Variants in FAM3B observed in about 807,000 individuals in gnomAD.
FAM3B encodes FAM3 metabolism regulating signaling molecule B.
Under a neutral mutation model 28.4 loss-of-function variants are expected in FAM3B, and 29 were observed. That is an observed-to-expected ratio of 1.02 (90% CI 0.76 to 1.39). The LOEUF is 1.39. FAM3B is among the 40% of genes most tolerant of loss of function. The pLI, the probability that FAM3B is intolerant of heterozygous loss-of-function variation, is 0.00. For missense variants in FAM3B, 266 were observed against 293.9 expected (o/e 0.91, Z 0.69); for synonymous variants, 91 against 103.0 (o/e 0.88, Z 0.71).
Position 41,347,006 on chromosome 21 carries a change from C to CCAATA in FAM3B, c.398-6_398-2dup. On this transcript the variant is annotated splice_polypyrimidine_tract_variant and splice_region_variant and intron_variant, in intron 5 of 7. Transcript: ENST00000357985. ...AGACCCTAAAACTGACTTGCATCCC[C>CCAATA]CAATAGATAACTCTGGACCGATGAC... The CCAATA allele has an allele frequency of 6.2e-7, 1 of 1,613,878 alleles. No homozygotes were observed. The highest frequency in any genetic ancestry group is 8.5e-7 in the Non-Finnish European group (1 of 1,179,782).
intron 2 of FAM3B, among the ~76,000 whole-genome samples, chr21:41,330,144 A>AAC (rs2088891552): frequency 6.6e-6 from 1 of 151,746 alleles, no homozygotes; most frequent in African/African-American, 2.4e-5. Flanking sequence ...GAAAAAAAAA[A>AAC]AAAAAAACAT....
rs79538262 is a variant in FAM3B at position 41,349,983 on chromosome 21, C to T, written c.618+1259C>T. Among the ~76,000 whole-genome samples the T allele has an allele frequency of 5.0e-3, 766 of 152,350 alleles. 19 individuals carry two copies. The East Asian group carries it at 0.089, about 18-fold the overall frequency. ...GGCACTTGCATGCACAGTGAGCCCTCATGGGTCTGCCCTAACCGAGAGGCA... is the reference window on the plus strand; with the variant it reads ...GGCACTTGCATGCACAGTGAGCCCTTATGGGTCTGCCCTAACCGAGAGGCA... On this transcript the variant is annotated intron_variant, in intron 7 of 7. Transcript: ENST00000357985.
intron 2 of FAM3B, 77 bp downstream of exon 2, chr21:41,323,143 C>A (rs2088825345): frequency 1.3e-6 from 2 of 1,567,336 alleles, no homozygotes; most frequent in South Asian, 2.3e-5. Flanking sequence ...TCTGTCCCAG[C>A]TGGAGGCTGG....
At chr21:41,311,482 A>G (rs1176809874) in intron 1 of FAM3B, among the ~76,000 whole-genome samples, 2 of 151,098 alleles carry the variant, frequency 1.3e-5, no homozygotes, top group African/African-American at 4.9e-5. Flanking sequence ...ATTAAAAATG[A>G]CAAATTTTTA....
rs573326035 is a variant in FAM3B, at chr21:41,350,984, C to A, written c.618+2260C>A. ...CCGGGCGTTGTGCCACACAGGGACC[C>A]CCCCATGCACACGAGCGTCTGTGGT... is the stretch of plus-strand genomic sequence containing the variant. On this transcript the variant is annotated intron_variant, in intron 7 of 7. Coordinates refer to ENST00000357985, the MANE Select transcript of FAM3B (RefSeq NM_058186.4). 1.2e-4 allele frequency among the ~76,000 whole-genome samples: 18 copies of A among 152,302 alleles called. No individual in the cohort carries two copies. In the East Asian group the frequency reaches 3.5e-3, roughly 29 times the overall value.
chr21:41,350,564 T>C (rs2089108454), intron 7 of FAM3B, among the ~76,000 whole-genome samples: 1 of 152,056 alleles, frequency 6.6e-6, no homozygotes, highest in Non-Finnish European at 1.5e-5. Flanking sequence ...CAAACCCAGA[T>C]CCCTCCGCAC....
At chr21:41,338,301 G>C (rs2088973375) in intron 2 of FAM3B, 77 bp from the exon 3 acceptor site, 7 of 1,558,748 alleles carry the variant, frequency 4.5e-6, no homozygotes, top group Middle Eastern at 1.7e-4. Context: ...AAGTGCTGGT[G>C]TTCTCCGCCA....
At chr21:41,350,028 TG>T (rs2089102712) in intron 7 of FAM3B, among the ~76,000 whole-genome samples, 1 of 152,046 alleles carries the variant, frequency 6.6e-6, no homozygotes, top group Non-Finnish European at 1.5e-5. Flanking sequence ...CTCTGATTGG[TG>T]GGGCTCCTTG....
At chr21:41,332,009 TG>T (rs1339421639) in intron 2 of FAM3B, among the ~76,000 whole-genome samples, 1 of 152,216 alleles carries the variant, frequency 6.6e-6, no homozygotes, top group Non-Finnish European at 1.5e-5. Flanking sequence ...CATTTGGAAT[TG>T]TAATTCCCAG....
At chr21:41,353,051 A>G (rs939058503) in intron 7 of FAM3B, among the ~76,000 whole-genome samples, 2 of 152,200 alleles carry the variant, frequency 1.3e-5, no homozygotes, top group Non-Finnish European at 2.9e-5. Flanking sequence ...AAATTCAGAA[A>G]GCAATTGTAT....
At chr21:41,337,403 G>A (rs930380699) in intron 2 of FAM3B, among the ~76,000 whole-genome samples, 1 of 152,194 alleles carries the variant, frequency 6.6e-6, no homozygotes, top group Non-Finnish European at 1.5e-5. Flanking sequence ...GGAGCCTCAG[G>A]GGTGTTCAGG....
At chr21:41,336,454 G>A (rs189711236) in intron 2 of FAM3B, among the ~76,000 whole-genome samples, 30 of 152,256 alleles carry the variant, frequency 2.0e-4, no homozygotes, top group East Asian at 9.6e-4. Context: ...CCTGAGAGGC[G>A]GAGGTTGCAG....
intron 7 of FAM3B, among the ~76,000 whole-genome samples, chr21:41,353,194 G>T (rs1416940019): frequency 6.6e-6 from 1 of 152,054 alleles, no homozygotes; most frequent in Non-Finnish European, 1.5e-5. Context: ...CATGTTCATG[G>T]GTCAGAAATT....
intron 7 of FAM3B, among the ~76,000 whole-genome samples, chr21:41,353,236 A>G (rs1396230341): frequency 2.0e-5 from 3 of 152,242 alleles, no homozygotes; most frequent in Non-Finnish European, 2.9e-5. Flanking sequence ...TACTTTCTTA[A>G]TTGATCTACA....
intron 4 of FAM3B, 56 bp from the exon 5 acceptor site, chr21:41,345,629 CA>C: frequency 9.4e-7 from 1 of 1,061,612 alleles, no homozygotes; most frequent in Middle Eastern, 2.1e-4. Context: ...CCTGGTGCCA[CA>C]AGTGCGCCCT....
rs920114478 is a variant in FAM3B, at chr21:41,348,465, G to A, written c.486-127G>A. On this transcript the variant is annotated intron_variant, in intron 6 of 7. Coordinates refer to ENST00000357985, the MANE Select transcript of FAM3B (RefSeq NM_058186.4). ...TAGCTGCCACTGTGTGTCATGCACT[G>A]CAGCAGGAGATGAATGTGTTTAGAA... 49 of 1,026,052 alleles carry A rather than the reference G, an allele frequency of 4.8e-5. 1 individual carries two copies. The Middle Eastern group carries it at 1.3e-3, about 28-fold the overall frequency. 63.6% of individuals were successfully genotyped at this position (1,026,052 alleles called of 1,614,324 possible).
intron 5 of FAM3B, 58 bp from the exon 6 acceptor site, chr21:41,346,955 C>A (rs2089066217): frequency 1.3e-6 from 2 of 1,505,024 alleles, no homozygotes; most frequent in Non-Finnish European, 1.9e-6. Flanking sequence ...GCCCAGCACC[C>A]AAGGCAGAGC....
At chr21:41,316,542 G>A (rs114508070), upstream of FAM3B, among the ~76,000 whole-genome samples, 2,390 of 152,312 alleles carry the variant, frequency 0.016, 65 homozygotes, top group African/African-American at 0.055. Flanking sequence ...AAGTGGCGTC[G>A]TTTCCTCCCT....
intron 1 of FAM3B, 74 bp from the exon 2 acceptor site, chr21:41,322,849 G>T (rs762390563): frequency 2.5e-6 from 4 of 1,612,516 alleles, no homozygotes; most frequent in Middle Eastern, 1.7e-4. Context: ...AAAGCCACAG[G>T]GGGGATGGGG....
Sources: gnomAD v4.1 joint callset for allele counts (sites outside exome capture counted in the v4.1 genomes callset) on GRCh38, gnomAD v4.1.1 for gene constraint, MANE v1.5 for transcripts, NCBI Gene and HGNC (gene_info 2026-07-23, HGNC 2026-07-21) for gene names.